The following EAF2 variants were observed in gnomAD, a reference collection of about 807,000 sequenced individuals.
EAF2 encodes ELL-associated factor 2.
A neutral mutation model predicts 29.4 loss-of-function variants in EAF2; 29 were observed. The observed-to-expected ratio is 0.99, with a 90% CI of 0.73 to 1.35. EAF2 has a LOEUF of 1.35. Ranked by LOEUF, EAF2 falls within the 40% of genes most tolerant of loss-of-function variation. EAF2 has a pLI of 0.00. For missense variants in EAF2, 292 were observed against 312.0 expected, an observed-to-expected ratio of 0.94 and a Z score of 0.48; for synonymous variants, 103 against 102.5, an observed-to-expected ratio of 1.00 and a Z score of -0.03.
intron 1 of EAF2, among the ~76,000 whole-genome samples, chr3:121,836,953 T>C (rs1269335824): frequency 6.6e-6 from 1 of 152,206 alleles, no homozygotes. Flanking sequence ...GAAAATAATC[T>C]TGCAGGTCCT....
intron 1 of EAF2, chr3:121,836,199 C>T (rs1304296118): frequency 6.6e-6 from 1 of 152,132 alleles, no homozygotes; most frequent in Non-Finnish European, 1.5e-5. Context: ...AATTGTAGAG[C>T]GGGAAGGAAA....
intron 4 of EAF2, among the ~76,000 whole-genome samples, chr3:121,870,838 TTAA>T (rs1708998984): frequency 6.6e-6 from 1 of 151,878 alleles, no homozygotes; most frequent in Non-Finnish European, 1.5e-5. Flanking sequence ...GAAATGAAAA[TTAA>T]AACTACAAGA....
At chr3:121,886,022 G>A (rs1045251483) in intron 5 of EAF2, among the ~76,000 whole-genome samples, 6 of 151,648 alleles carry the variant, frequency 4.0e-5, no homozygotes, top group Non-Finnish European at 7.4e-5. Flanking sequence ...AAGTGATATA[G>A]TTTAATCTTC....
At chr3:121,869,719 T>A (rs1043311230) in intron 4 of EAF2, among the ~76,000 whole-genome samples, 2 of 149,838 alleles carry the variant, frequency 1.3e-5, no homozygotes, top group African/African-American at 5.1e-5. Flanking sequence ...AAAAAAAATT[T>A]TTTTTTTAGA....
intron 4 of EAF2, among the ~76,000 whole-genome samples, chr3:121,867,621 T>G (rs976618922): frequency 4.6e-5 from 7 of 152,202 alleles, no homozygotes; most frequent in Non-Finnish European, 8.8e-5. Context: ...CCTAGGAAAC[T>G]ATCCTTAAAT....
At chr3:121,876,522 A>C (rs1226333921) in intron 5 of EAF2, among the ~76,000 whole-genome samples, 2 of 151,902 alleles carry the variant, frequency 1.3e-5, no homozygotes, top group Non-Finnish European at 2.9e-5. Flanking sequence ...TAAAGATAAC[A>C]AGTCTGTTTT....
At chr3:121,843,458 G>A (rs1708468521) in intron 1 of EAF2, among the ~76,000 whole-genome samples, 1 of 152,094 alleles carries the variant, frequency 6.6e-6, no homozygotes. Flanking sequence ...AGGGGGCTCC[G>A]TGGAGCTGGT....
At chr3:121,838,699 A>G (rs1708350471) in intron 1 of EAF2, among the ~76,000 whole-genome samples, 1 of 152,200 alleles carries the variant, frequency 6.6e-6, no homozygotes, top group Admixed American at 6.5e-5. Context: ...GTCTTCAGGG[A>G]CCTGTGAACC....
chr3:121,881,569 G>A (rs1224325357), intron 5 of EAF2, among the ~76,000 whole-genome samples: 1 of 151,872 alleles, frequency 6.6e-6, no homozygotes, highest in African/African-American at 2.4e-5. Flanking sequence ...GAGTCCAGTG[G>A]CACAATCTCA....
chr3:121,869,794 T>G (rs969381433), intron 4 of EAF2, among the ~76,000 whole-genome samples: 3 of 151,742 alleles, frequency 2.0e-5, no homozygotes, highest in Admixed American at 6.6e-5. Context: ...GAGGCTGAGG[T>G]GAGTGGATTG....
chr3:121,860,336 C>T (rs1708804102), intron 4 of EAF2, among the ~76,000 whole-genome samples: 1 of 152,084 alleles, frequency 6.6e-6, no homozygotes, highest in African/African-American at 2.4e-5. Flanking sequence ...TAATTATTGC[C>T]TCAATTTCAG....
At chr3:121,872,126 A>C (rs1559828346) in intron 4 of EAF2, among the ~76,000 whole-genome samples, 1 of 151,950 alleles carries the variant, frequency 6.6e-6, no homozygotes, top group Non-Finnish European at 1.5e-5. Flanking sequence ...CTCTAGGAAA[A>C]CCAGGAAAAG....
In EAF2 at chr3:121,835,453, A is replaced by C. The variant is rs535424869; in HGVS notation, c.106+62A>C. 2.0e-6 allele frequency: 3 copies of C among 1,466,478 alleles called. No homozygotes were observed. In the African/African-American group the frequency reaches 4.2e-5, roughly 20 times the overall value. 90.8% of individuals were successfully genotyped at this position (1,466,478 alleles called of 1,614,324 possible). A position where few individuals can be genotyped will look rare whatever the true frequency, so the allele number is the denominator to read the frequency against. On this transcript the variant is annotated intron_variant, in intron 1 of 5. Transcript: ENST00000273668. ...CCCGGGATGGGGGTGAAGAGGCACA[A>C]ACCCCTCTGGGTTTTGTTCCCACAG...
intron 2 of EAF2, among the ~76,000 whole-genome samples, 190 bp from the exon 3 acceptor site, chr3:121,854,497 T>C: frequency 6.6e-6 from 1 of 152,112 alleles, no homozygotes; most frequent in Middle Eastern, 3.2e-3. Flanking sequence ...GACAGCAGCT[T>C]TGAGATTTCA....
chr3:121,835,609 GAGCGTTGAGACC>G (rs1708257160), intron 1 of EAF2, among the ~76,000 whole-genome samples: 2 of 152,164 alleles, frequency 1.3e-5, no homozygotes, highest in African/African-American at 2.4e-5. Flanking sequence ...CCTGGACAGA[GAGCGTTGAGACC>G]AGCAGACAGG....
intron 5 of EAF2, chr3:121,873,312 T>C: frequency 2.5e-6 from 1 of 397,090 alleles, no homozygotes; most frequent in Admixed American, 4.2e-5. Context: ...GAAGGTAGCA[T>C]ACATCTAATT....
intron 1 of EAF2, among the ~76,000 whole-genome samples, chr3:121,841,598 C>A (rs1353844772): frequency 6.8e-6 from 1 of 148,016 alleles, no homozygotes; most frequent in Non-Finnish European, 1.5e-5. Context: ...ACCAGCCAGG[C>A]GCAGTGGCTC....
intron 4 of EAF2, among the ~76,000 whole-genome samples, chr3:121,861,094 G>A (rs1708821571): frequency 6.6e-6 from 1 of 152,148 alleles, no homozygotes; most frequent in South Asian, 2.1e-4. Flanking sequence ...TTCTAACTAT[G>A]TGGTCAATTT....
At chr3:121,864,932 T>G (rs926295082) in intron 4 of EAF2, among the ~76,000 whole-genome samples, 19 of 152,156 alleles carry the variant, frequency 1.2e-4, no homozygotes, top group Admixed American at 9.8e-4. Context: ...GAATCAGACT[T>G]TTTCCTGTTA....
Sources: allele counts gnomAD v4.1 joint callset (sites outside exome capture counted in the v4.1 genomes callset), GRCh38; gene constraint gnomAD v4.1.1; transcripts MANE v1.5; gene names NCBI Gene and HGNC (gene_info 2026-07-23, HGNC 2026-07-21).